The following FRMD4B variants were observed in gnomAD, a reference collection of about 807,000 sequenced individuals.
The protein encoded by FRMD4B is FERM domain-containing protein 4B.
A neutral mutation model predicts 141.5 loss-of-function variants in FRMD4B; 74 were observed. The observed-to-expected ratio is 0.52, with a 90% CI of 0.43 to 0.63. The LOEUF is 0.63. Ranked by LOEUF, FRMD4B falls within the 30% of genes least tolerant of loss-of-function variation. The pLI, the probability that FRMD4B is intolerant of heterozygous loss-of-function variation, is 0.00. For synonymous variants in FRMD4B, 506 were observed against 467.9 expected, an observed-to-expected ratio of 1.08 and a Z score of -1.05; for missense variants, 1,366 against 1,253.4, an observed-to-expected ratio of 1.09 and a Z score of -1.36.
At chr3:69,184,032 A>G (rs2092739020) in intron 19 of FRMD4B, among the ~76,000 whole-genome samples, 1 of 152,092 alleles carries the variant, frequency 6.6e-6, no homozygotes, top group Admixed American at 6.6e-5. Context: ...AGTAGCTGGA[A>G]TTACAGGTGT....
At chr3:69,523,020 A>G (rs1700875740) in intron 1 of FRMD4B, among the ~76,000 whole-genome samples, 1 of 152,054 alleles carries the variant, frequency 6.6e-6, no homozygotes, top group Admixed American at 6.5e-5. Flanking sequence ...AAAAATTTTC[A>G]GGAATCCATT....
At chr3:69,460,341 G>A (rs1293233799) in intron 1 of FRMD4B, among the ~76,000 whole-genome samples, 1 of 152,162 alleles carries the variant, frequency 6.6e-6, no homozygotes, top group Non-Finnish European at 1.5e-5. Flanking sequence ...ATTTTTAACA[G>A]AAGGTAGTAG....
intron 1 of FRMD4B, among the ~76,000 whole-genome samples, chr3:69,527,098 C>T (rs1180091476): frequency 2.0e-5 from 3 of 152,128 alleles, no homozygotes; most frequent in Admixed American, 6.6e-5. Flanking sequence ...CGTCCTGGGG[C>T]ATGGGTCTCT....
chr3:69,501,315 G>A (rs1362207824), intron 1 of FRMD4B, among the ~76,000 whole-genome samples: 1 of 150,436 alleles, frequency 6.6e-6, no homozygotes, highest in Non-Finnish European at 1.5e-5. Flanking sequence ...TTCCAGTGTG[G>A]CTCAGGGAAG....
intron 7 of FRMD4B, among the ~76,000 whole-genome samples, chr3:69,240,840 C>T (rs2106703191): frequency 6.6e-6 from 1 of 152,322 alleles, no homozygotes; most frequent in African/African-American, 2.4e-5. Flanking sequence ...GTAGAATTCT[C>T]CCTCAACAAT....
At chr3:69,219,296 T>C (rs1320710840) in intron 9 of FRMD4B, among the ~76,000 whole-genome samples, 1 of 152,200 alleles carries the variant, frequency 6.6e-6, no homozygotes, top group Admixed American at 6.6e-5. Context: ...GCTTCCTCTC[T>C]GCCCGCAAGG....
At chr3:69,182,039 A>C (rs1341928169) in intron 20 of FRMD4B, among the ~76,000 whole-genome samples, 1 of 151,798 alleles carries the variant, frequency 6.6e-6, no homozygotes, top group Non-Finnish European at 1.5e-5. Flanking sequence ...AAAACAAAAA[A>C]CCCAACGTGT....
chr3:69,329,677 G>A (rs1410216546), intron 1 of FRMD4B, among the ~76,000 whole-genome samples: 7 of 151,300 alleles, frequency 4.6e-5, no homozygotes, highest in African/African-American at 1.5e-4. Context: ...ACAGGCGCCC[G>A]CCACCAGGCC....
intron 5 of FRMD4B, among the ~76,000 whole-genome samples, chr3:69,273,207 A>G (rs1391876429): frequency 2.0e-5 from 3 of 152,216 alleles, no homozygotes; most frequent in African/African-American, 4.8e-5. Context: ...TCAATGTAGT[A>G]TATGCTCAGT....
intron 22 of FRMD4B, among the ~76,000 whole-genome samples, chr3:69,174,344 T>TA (rs1277139590): frequency 1.3e-5 from 2 of 152,096 alleles, no homozygotes; most frequent in Admixed American, 6.6e-5. Context: ...GTTAAGTTTT[T>TA]AAAAAAATGG....
chr3:69,412,843 T>TC (rs1183219847), intron 2 of FRMD4B, among the ~76,000 whole-genome samples: 8 of 38,078 alleles, frequency 2.1e-4, no homozygotes, highest in Admixed American at 1.9e-3. Context: ...AGCTCCACTT[T>TC]TTTTTTTTTT....
intron 1 of FRMD4B, among the ~76,000 whole-genome samples, chr3:69,455,361 A>T (rs141094854): frequency 1.3e-5 from 2 of 152,308 alleles, no homozygotes. Flanking sequence ...TTGGGTCTGC[A>T]CTGCCTTTAT....
intron 1 of FRMD4B, among the ~76,000 whole-genome samples, chr3:69,359,042 G>A (rs1160005142): frequency 6.6e-6 from 1 of 152,164 alleles, no homozygotes; most frequent in Non-Finnish European, 1.5e-5. Context: ...TATAGACACA[G>A]AAAAGATATG....
intron 5 of FRMD4B, among the ~76,000 whole-genome samples, chr3:69,265,128 G>T (rs1287040407): frequency 6.7e-6 from 1 of 149,564 alleles, no homozygotes; most frequent in Non-Finnish European, 1.5e-5. Flanking sequence ...AGTGGTGGGC[G>T]CCTGTAGTCC....
At chr3:69,472,950 T>C (rs906505907) in intron 1 of FRMD4B, among the ~76,000 whole-genome samples, 4 of 149,838 alleles carry the variant, frequency 2.7e-5, no homozygotes, top group Admixed American at 1.3e-4. Context: ...TTTTTTTTTT[T>C]TTTGGCTTAG....
At chr3:69,408,642 G>A (rs996116598) in intron 2 of FRMD4B, among the ~76,000 whole-genome samples, 1 of 152,146 alleles carries the variant, frequency 6.6e-6, no homozygotes. Context: ...GCACTGCCTG[G>A]GCAGGCAGGG....
At chr3:69,177,297 C>A (rs1371748595) in intron 21 of FRMD4B, among the ~76,000 whole-genome samples, 2 of 152,152 alleles carry the variant, frequency 1.3e-5, no homozygotes, top group African/African-American at 2.4e-5. Context: ...CAACATCACA[C>A]CACTGCACTC....
At chr3:69,447,412 A>C (rs957810210) in intron 1 of FRMD4B, among the ~76,000 whole-genome samples, 2 of 152,236 alleles carry the variant, frequency 1.3e-5, no homozygotes, top group Non-Finnish European at 2.9e-5. Context: ...GATATTGAAG[A>C]AGGCATTTAA....
At chr3:69,477,825 C>T (rs1425446414) in intron 1 of FRMD4B, among the ~76,000 whole-genome samples, 1 of 150,818 alleles carries the variant, frequency 6.6e-6, no homozygotes, top group Non-Finnish European at 1.5e-5. Context: ...CTGTGAATCC[C>T]TCTGGTCCTG....
Sources: gnomAD v4.1 joint callset for allele counts (sites outside exome capture counted in the v4.1 genomes callset) on GRCh38, gnomAD v4.1.1 for gene constraint, MANE v1.5 for transcripts, NCBI Gene and HGNC (gene_info 2026-07-23, HGNC 2026-07-21) for gene names.